The following DGKG variants were observed in gnomAD, a reference collection of about 807,000 sequenced individuals.
The protein encoded by DGKG is DAG kinase gamma.
In DGKG, 78 loss-of-function variants were observed where a neutral mutation model predicts 105.3. That is an observed-to-expected ratio of 0.74 (90% CI 0.62 to 0.89). The LOEUF is 0.89. Among genes scored for constraint, DGKG ranks in the 40% least tolerant of loss-of-function variants. The pLI is 0.00. For synonymous variants in DGKG, 346 were observed against 367.1 expected, an observed-to-expected ratio of 0.94 and a Z score of 0.66; for missense variants, 958 against 1,020.1, an observed-to-expected ratio of 0.94 and a Z score of 0.83.
In DGKG at chr3:186,224,734, G is replaced by A. The variant is rs376634299; in HGVS notation, c.1827-12849C>T. Reference sequence around the variant, plus strand: ...TGTATTCAATGATTGACACCCCCCCGCCCCCCAATCTTCTTGTGAATTTCT... The same window carrying A: ...TGTATTCAATGATTGACACCCCCCCACCCCCCAATCTTCTTGTGAATTTCT... On this transcript the variant is annotated intron_variant, in intron 20 of 24. Transcript: ENST00000265022. Among the ~76,000 whole-genome samples, 16 of 74,554 alleles carry A rather than the reference G, an allele frequency of 2.1e-4. No individual in the cohort carries two copies. The South Asian group carries it at 6.3e-3, about 29-fold the overall frequency. 48.9% of individuals were successfully genotyped at this position (74,554 alleles called of 152,430 possible).
chr3:186,192,979 C>G (rs984075066), intron 21 of DGKG, among the ~76,000 whole-genome samples: 2 of 152,226 alleles, frequency 1.3e-5, no homozygotes, highest in Non-Finnish European at 2.9e-5. Flanking sequence ...CTATCCATAG[C>G]CAGCTAAGTG....
At chr3:186,280,613 TCC>T (rs1722786356) in intron 8 of DGKG, 55 bp downstream of exon 8, 1 of 1,357,360 alleles carries the variant, frequency 7.4e-7, no homozygotes, top group South Asian at 1.2e-5. Flanking sequence ...CTTGAGTGTG[TCC>T]CCCTCCCGTC....
rs1168272541 is a variant in DGKG at position 186,320,388 on chromosome 3, C to T, written c.67+5G>A. ...CGTCCCAGGGCTGTCAATGCATTTA[C>T]TCACATTCTGAATATTTCTGGAGTT... On this transcript the variant is annotated splice_donor_5th_base_variant and intron_variant, in intron 2 of 24. Transcript: ENST00000265022. The T allele has an allele frequency of 3.7e-6, 6 of 1,614,092 alleles. No homozygotes were observed. Among genetic ancestry groups the T allele is most frequent in the Non-Finnish European group, 5.1e-6 (6 of 1,180,020 alleles).
At chr3:186,338,577 C>T (rs1282932548) in intron 1 of DGKG, among the ~76,000 whole-genome samples, 1 of 152,122 alleles carries the variant, frequency 6.6e-6, no homozygotes, top group Non-Finnish European at 1.5e-5. Flanking sequence ...AAAGGATGTA[C>T]ATGAAATGTA....
chr3:186,214,604 T>C (rs1287187079), intron 20 of DGKG, among the ~76,000 whole-genome samples: 1 of 152,206 alleles, frequency 6.6e-6, no homozygotes, highest in Non-Finnish European at 1.5e-5. Flanking sequence ...CATATGTCCT[T>C]AATAGATTTT....
chr3:186,341,124 C>A (rs542193623), intron 1 of DGKG, among the ~76,000 whole-genome samples: 3 of 152,238 alleles, frequency 2.0e-5, no homozygotes, highest in African/African-American at 7.2e-5. Context: ...GTTTGAGGGG[C>A]GAGACTGTGA....
chr3:186,302,493 T>C (rs916807488), intron 3 of DGKG, among the ~76,000 whole-genome samples: 10 of 9,460 alleles, frequency 1.1e-3, no homozygotes, highest in African/African-American at 6.3e-3. Context: ...TATATATATA[T>C]ATATATATAT....
intron 20 of DGKG, among the ~76,000 whole-genome samples, chr3:186,230,472 T>C (rs1271408220): frequency 1.3e-5 from 2 of 151,348 alleles, no homozygotes; most frequent in African/African-American, 4.9e-5. Flanking sequence ...GTGGGGAAGG[T>C]GAGAGTAACA....
chr3:186,339,809 G>A (rs568390309), intron 1 of DGKG, among the ~76,000 whole-genome samples: 1 of 152,192 alleles, frequency 6.6e-6, no homozygotes, highest in Non-Finnish European at 1.5e-5. Flanking sequence ...CCAGGAAACA[G>A]AAAAGAGTAT....
intron 13 of DGKG, among the ~76,000 whole-genome samples, chr3:186,265,657 C>CTTTTT (rs68014632): frequency 0.02 from 1,516 of 77,360 alleles, 66 homozygotes; most frequent in African/African-American, 0.044. Flanking sequence ...TTCTTCCTTT[C>CTTTTT]TTTTTTTTTT....
At chr3:186,276,692 G>C (rs1722604200) in intron 9 of DGKG, among the ~76,000 whole-genome samples, 1 of 152,178 alleles carries the variant, frequency 6.6e-6, no homozygotes, top group African/African-American at 2.4e-5. Flanking sequence ...TCCCATCCCA[G>C]GGGAACACAG....
At chr3:186,298,263 A>G (rs1332937164) in intron 3 of DGKG, 34 bp from the exon 4 acceptor site, 1 of 1,547,448 alleles carries the variant, frequency 6.5e-7, no homozygotes, top group Admixed American at 2.0e-5. Flanking sequence ...GTCAGTGGAG[A>G]GAAGCAAAGG....
At chr3:186,270,954 G>A (rs1050130195) in intron 11 of DGKG, among the ~76,000 whole-genome samples, 2 of 152,246 alleles carry the variant, frequency 1.3e-5, no homozygotes, top group East Asian at 1.9e-4. Flanking sequence ...CAGGTACACC[G>A]TGTGTCCCGG....
At chr3:186,275,694 A>T in intron 9 of DGKG, 30 bp from the exon 10 acceptor site, 3 of 1,568,428 alleles carry the variant, frequency 1.9e-6, no homozygotes, top group East Asian at 2.3e-5. Flanking sequence ...TGAGACCCCA[A>T]GCTGGCTGCC....
chr3:186,242,882 C>T (rs6778456), intron 19 of DGKG, among the ~76,000 whole-genome samples: 136,132 of 152,152 alleles, frequency 0.89, 61,992 homozygotes, highest in East Asian at 1. Context: ...CCTTTGCCCT[C>T]TGGGGAGACT....
At chr3:186,324,530 A>C (rs200737054) in intron 1 of DGKG, among the ~76,000 whole-genome samples, 4 of 145,762 alleles carry the variant, frequency 2.7e-5, no homozygotes, top group East Asian at 2.0e-4. Flanking sequence ...AAAAAAAAAA[A>C]CCCAAAATAA....
At chr3:186,260,596 C>CCAGTGGG in intron 15 of DGKG, 83 bp from the exon 16 acceptor site, 1 of 1,020,150 alleles carries the variant, frequency 9.8e-7, no homozygotes, top group Non-Finnish European at 1.5e-6. Flanking sequence ...AGGGCAAACA[C>CCAGTGGG]CTCTGGAGCC....
intron 22 of DGKG, among the ~76,000 whole-genome samples, chr3:186,175,732 A>T (rs548590036): frequency 1.3e-5 from 2 of 152,230 alleles, no homozygotes; most frequent in Non-Finnish European, 2.9e-5. Context: ...AGAAGCAAGA[A>T]TCGACACATG....
At chr3:186,269,541 C>T (rs1231420989) in intron 11 of DGKG, among the ~76,000 whole-genome samples, 1 of 152,222 alleles carries the variant, frequency 6.6e-6, no homozygotes, top group Non-Finnish European at 1.5e-5. Context: ...TCAGCTTTAG[C>T]TGCCCATTAG....
Sources: gnomAD v4.1 joint callset for allele counts (sites outside exome capture counted in the v4.1 genomes callset) on GRCh38, gnomAD v4.1.1 for gene constraint, MANE v1.5 for transcripts, NCBI Gene and HGNC (gene_info 2026-07-23, HGNC 2026-07-21) for gene names.